The following DNAJC3 variants were observed in gnomAD, a reference collection of about 807,000 sequenced individuals.
DNAJC3 encodes the protein DnaJ heat shock protein family (Hsp40) member C3, also known as dnaJ homolog subfamily C member 3.
In DNAJC3, 38 loss-of-function variants were observed where a neutral mutation model predicts 68.6. That is an observed-to-expected ratio of 0.55 (90% CI 0.43 to 0.73). DNAJC3 has a LOEUF of 0.73. DNAJC3 is among the 30% of genes least tolerant of loss of function. DNAJC3 has a pLI of 0.00. For synonymous variants in DNAJC3, 203 were observed against 204.0 expected, an observed-to-expected ratio of 1.00 and a Z score of 0.04; for missense variants, 526 against 591.9, an observed-to-expected ratio of 0.89 and a Z score of 1.16.
At chr13:95,738,306 T>G (rs1430723417) in intron 4 of DNAJC3, among the ~76,000 whole-genome samples, 12 of 150,732 alleles carry the variant, frequency 8.0e-5, no homozygotes, top group Non-Finnish European at 1.3e-4. Context: ...TCTGTTGATT[T>G]GGGGTGGAGA....
At chr13:95,744,014 T>C (rs887247943) in intron 4 of DNAJC3, among the ~76,000 whole-genome samples, 1 of 152,188 alleles carries the variant, frequency 6.6e-6, no homozygotes, top group Non-Finnish European at 1.5e-5. Context: ...TCTTGAGATA[T>C]TTGGTTAGGA....
At chr13:95,781,049 C>T (rs541322199) in intron 9 of DNAJC3, among the ~76,000 whole-genome samples, 285 of 152,116 alleles carry the variant, frequency 1.9e-3, no homozygotes, top group African/African-American at 6.5e-3. Context: ...CACTGGAGAA[C>T]GTCCCCAGTG....
At chr13:95,742,763 C>T (rs756789956) in intron 4 of DNAJC3, 2 of 518,900 alleles carry the variant, frequency 3.9e-6, no homozygotes, top group Admixed American at 1.9e-5. Flanking sequence ...TGAATGCCTT[C>T]CTCAGTCTTT....
intron 4 of DNAJC3, among the ~76,000 whole-genome samples, chr13:95,737,778 T>C (rs1439885417): frequency 1.6e-4 from 24 of 146,734 alleles, no homozygotes; most frequent in South Asian, 8.8e-4. Context: ...AACCAGCTCC[T>C]GGATTCATTA....
At chr13:95,720,336 AAAT>A (rs1386594994) in intron 2 of DNAJC3, among the ~76,000 whole-genome samples, 3 of 152,174 alleles carry the variant, frequency 2.0e-5, no homozygotes, top group Non-Finnish European at 4.4e-5. Flanking sequence ...TGGATAACTT[AAAT>A]TTTTTAAAAA....
chr13:95,777,791 CA>C (rs996560723), intron 9 of DNAJC3, among the ~76,000 whole-genome samples: 1 of 152,058 alleles, frequency 6.6e-6, no homozygotes, highest in Non-Finnish European at 1.5e-5. Context: ...AAGAAGGGAA[CA>C]AAAAACTTGA....
intron 1 of DNAJC3, among the ~76,000 whole-genome samples, chr13:95,690,471 A>G (rs1593952701): frequency 1.3e-5 from 2 of 151,546 alleles, no homozygotes; most frequent in South Asian, 4.2e-4. Context: ...CGCCATTGTC[A>G]TCATGGCCCG....
chr13:95,779,288 T>C (rs1883377443), intron 9 of DNAJC3, among the ~76,000 whole-genome samples: 1 of 151,988 alleles, frequency 6.6e-6, no homozygotes, highest in South Asian at 2.1e-4. Flanking sequence ...CATACCCGGC[T>C]AATTTTTTCT....
intron 9 of DNAJC3, among the ~76,000 whole-genome samples, chr13:95,773,594 A>G (rs1883213226): frequency 6.6e-6 from 1 of 152,102 alleles, no homozygotes; most frequent in Non-Finnish European, 1.5e-5. Flanking sequence ...GTTGGCATGA[A>G]GTTCATAATA....
chr13:95,723,382 C>G lies in DNAJC3; in HGVS notation c.318+16C>G. 1 of 1,601,742 alleles carries G rather than the reference C, an allele frequency of 6.2e-7. No homozygotes were observed. The highest frequency in any genetic ancestry group is 8.5e-7 in the Non-Finnish European group (1 of 1,173,240). On this transcript the variant is annotated intron_variant, in intron 3 of 11. Transcript: ENST00000602402. ...CTTCACTGCAGTAAGTATATCTCAA[C>G]TTTCTTTAAAGGGGAACTTAACAGA...
chr13:95,713,507 T>C (rs1222830221), intron 2 of DNAJC3, among the ~76,000 whole-genome samples: 1 of 152,236 alleles, frequency 6.6e-6, no homozygotes, highest in Admixed American at 6.5e-5. Flanking sequence ...TGAAGAGATA[T>C]ACCATGTTCA....
At chr13:95,783,318 T>A (rs1371671523) in intron 9 of DNAJC3, among the ~76,000 whole-genome samples, 2 of 152,234 alleles carry the variant, frequency 1.3e-5, no homozygotes, top group African/African-American at 4.8e-5. Context: ...TCACCTTAAA[T>A]TTTAATACAA....
intron 11 of DNAJC3, among the ~76,000 whole-genome samples, chr13:95,789,759 C>T (rs1401443321): frequency 1.3e-5 from 2 of 148,618 alleles, no homozygotes; most frequent in African/African-American, 2.5e-5. Flanking sequence ...TTTACACTGC[C>T]ACCAATAGTG....
intron 4 of DNAJC3, among the ~76,000 whole-genome samples, chr13:95,735,788 G>A (rs1227626392): frequency 1.3e-5 from 2 of 152,116 alleles, no homozygotes; most frequent in African/African-American, 4.8e-5. Flanking sequence ...TCACTCTGAT[G>A]ATAGTTTCTT....
chr13:95,720,344 TA>T (rs1881283774), intron 2 of DNAJC3, among the ~76,000 whole-genome samples: 1 of 152,168 alleles, frequency 6.6e-6, no homozygotes, highest in Non-Finnish European at 1.5e-5. Context: ...TTAAATTTTT[TA>T]AAAAACTAAT....
Position 95,791,957 on chromosome 13 carries a change from T to C in DNAJC3, c.*927T>C, listed in dbSNP as rs2305090. ...TAAATAAATACAGAATGCCATGTTC[T>C]CCACTTCTAAGTAAAGACAGTGGGC... On this transcript the variant is annotated 3_prime_UTR_variant, in exon 12 of 12. Transcript: ENST00000602402. The C allele has an allele frequency of 0.52, 79,275 of 151,590 alleles. 20,820 individuals are homozygous for C. Among genetic ancestry groups the C allele is most frequent in the East Asian group, 0.65 (3,307 of 5,116 alleles). The allele number at this position is 151,590 out of a possible 1,614,324, so 9.4% of individuals were successfully genotyped here.
In DNAJC3 at chr13:95,794,539, G is replaced by C. The variant is rs1418489842; in HGVS notation, c.*3509G>C. On this transcript the variant is annotated 3_prime_UTR_variant, in exon 12 of 12. Transcript: ENST00000602402. ...CAACGAATATCCTTTTTCTAAATCA[G>C]ATCATTCCTTTTTTGTTAGTGGCAG... 1 of 152,228 alleles carries C rather than the reference G, an allele frequency of 6.6e-6. No individual in the cohort carries two copies. The highest frequency in any genetic ancestry group is 6.5e-5 in the Admixed American group (1 of 15,290). 9.4% of individuals were successfully genotyped at this position (152,228 alleles called of 1,614,324 possible).
chr13:95,712,325 T>TA (rs1375777398), intron 2 of DNAJC3, among the ~76,000 whole-genome samples: 1 of 151,888 alleles, frequency 6.6e-6, no homozygotes, highest in Non-Finnish European at 1.5e-5. Context: ...TACCCACTAT[T>TA]ACTACTTGTA....
chr13:95,764,663 TATATA>T (rs1361661946), intron 9 of DNAJC3, among the ~76,000 whole-genome samples: 1 of 121,532 alleles, frequency 8.2e-6, no homozygotes, highest in African/African-American at 3.4e-5. Flanking sequence ...TATATATATA[TATATA>T]TATATATATA....
Sources: allele counts gnomAD v4.1 joint callset (sites outside exome capture counted in the v4.1 genomes callset), GRCh38; gene constraint gnomAD v4.1.1; transcripts MANE v1.5; gene names NCBI Gene and HGNC (gene_info 2026-07-23, HGNC 2026-07-21).